The following DERL1 variants were observed in gnomAD, a reference collection of about 807,000 sequenced individuals.
DERL1 encodes the protein derlin 1, also known as derlin-1.
In DERL1, 24 loss-of-function variants were observed where a neutral mutation model predicts 41.6. That is an observed-to-expected ratio of 0.58 (90% CI 0.42 to 0.81). DERL1 has a LOEUF of 0.81. DERL1 is among the 30% of genes least tolerant of loss of function. DERL1 has a pLI of 0.00. For synonymous variants in DERL1, 124 were observed against 112.5 expected (o/e 1.10, Z -0.65); for missense variants, 260 against 314.3 (o/e 0.83, Z 1.31).
At chr8:123,024,335 C>T (rs1240464232) in intron 3 of DERL1, among the ~76,000 whole-genome samples, 4 of 152,190 alleles carry the variant, frequency 2.6e-5, no homozygotes, top group African/African-American at 9.7e-5. Flanking sequence ...AGGGCATCCA[C>T]AGTGCCACAT....
intron 1 of DERL1, among the ~76,000 whole-genome samples, chr8:123,037,473 T>C (rs1586471087): frequency 1.3e-5 from 2 of 152,256 alleles, no homozygotes; most frequent in South Asian, 4.1e-4. Flanking sequence ...CCTAAAGAAA[T>C]TGAGGCTCAG....
chr8:123,039,865 C>A (rs1017974370), intron 1 of DERL1, among the ~76,000 whole-genome samples: 4 of 152,178 alleles, frequency 2.6e-5, no homozygotes, highest in Non-Finnish European at 5.9e-5. Flanking sequence ...TCTCATGGAG[C>A]CTTATTCTCT....
chr8:123,035,584 G>T (rs763391579), intron 1 of DERL1, among the ~76,000 whole-genome samples: 1 of 152,170 alleles, frequency 6.6e-6, no homozygotes, highest in Non-Finnish European at 1.5e-5. Context: ...ACTCGTGGGG[G>T]AGTATCTCAT....
chr8:123,040,369 T>G (rs1039890462), intron 1 of DERL1, among the ~76,000 whole-genome samples: 1 of 152,212 alleles, frequency 6.6e-6, no homozygotes, highest in Non-Finnish European at 1.5e-5. Flanking sequence ...GGTAAACAAC[T>G]GAGCCACGGT....
At chr8:123,023,861 T>A in intron 3 of DERL1, 122 bp from the exon 4 acceptor site, 1 of 1,096,718 alleles carries the variant, frequency 9.1e-7, no homozygotes, top group Non-Finnish European at 1.3e-6. Context: ...CTCATGCTTG[T>A]AATCTCTGTA....
At chr8:123,027,172 T>C (rs1586464189) in intron 2 of DERL1, among the ~76,000 whole-genome samples, 1 of 151,896 alleles carries the variant, frequency 6.6e-6, no homozygotes, top group African/African-American at 2.4e-5. Flanking sequence ...TGCGTGCCTG[T>C]AGTCCCAGCT....
At chr8:123,033,466 G>A (rs1370311038) in intron 1 of DERL1, among the ~76,000 whole-genome samples, 3 of 152,102 alleles carry the variant, frequency 2.0e-5, no homozygotes, top group Admixed American at 6.6e-5. Flanking sequence ...AGCTTCGGCC[G>A]GGAGTAGTGG....
chr8:123,015,333 A>G lies in DERL1; in HGVS notation c.*114T>C. The G allele has an allele frequency of 3.8e-6, 5 of 1,309,338 alleles. No homozygotes were observed. The highest frequency in any genetic ancestry group is 5.1e-6 in the Non-Finnish European group (5 of 977,506). The allele number at this position is 1,309,338 out of a possible 1,614,324, so 81.1% of individuals were successfully genotyped here. On this transcript the variant is annotated 3_prime_UTR_variant, in exon 8 of 8. Coordinates refer to ENST00000259512, the MANE Select transcript of DERL1 (RefSeq NM_024295.6). ...AAGAAACTTTGTCTCGTACTGAAAG[A>G]CTACATTCAGTGTGGGTCAGGTCCA...
chr8:123,019,772 G>GC (rs967355751), intron 6 of DERL1, among the ~76,000 whole-genome samples: 1 of 152,088 alleles, frequency 6.6e-6, no homozygotes, highest in Non-Finnish European at 1.5e-5. Context: ...CTTCTCCCTT[G>GC]CCTCTTGTAT....
chr8:123,035,022 C>T (rs948869570), intron 1 of DERL1, among the ~76,000 whole-genome samples: 2 of 152,072 alleles, frequency 1.3e-5, no homozygotes, highest in African/African-American at 4.8e-5. Context: ...TCGGAAACAC[C>T]CGCTAACCAG....
intron 5 of DERL1, 38 bp from the exon 6 acceptor site, chr8:123,021,537 C>A: frequency 6.3e-7 from 1 of 1,580,036 alleles, no homozygotes; most frequent in Non-Finnish European, 8.7e-7. Flanking sequence ...TGAGTAGCCA[C>A]ACCTGACGAG....
At chr8:123,027,660 G>T (rs1172540883) in intron 2 of DERL1, among the ~76,000 whole-genome samples, 2 of 152,148 alleles carry the variant, frequency 1.3e-5, no homozygotes. Context: ...CCACAAATTT[G>T]TCCTAAATTG....
At position 123,036,040 on chromosome 8, in the gene DERL1, G is replaced by C. The variant is rs1017320717; in HGVS notation, c.154-5324C>G. On this transcript the variant is annotated intron_variant, in intron 1 of 7. Transcript: ENST00000259512. ...GAGACACAACGGGTAGGCAAGAAAA[G>C]GCCCCTTCCATTCATTTAAACAAAT... is the stretch of plus-strand genomic sequence containing the variant. Among the ~76,000 whole-genome samples, 6 of 152,092 alleles carry C rather than the reference G, an allele frequency of 3.9e-5. No homozygotes were observed. The East Asian group carries it at 1.2e-3, about 29-fold the overall frequency.
intron 7 of DERL1, chr8:123,016,260 G>A (rs1814566707): frequency 6.6e-6 from 1 of 152,030 alleles, no homozygotes; most frequent in African/African-American, 2.4e-5. Context: ...TTAAACCCAA[G>A]CCTACACTCT....
At chr8:123,021,397 G>A in intron 6 of DERL1, 50 bp downstream of exon 6, 1 of 1,538,794 alleles carries the variant, frequency 6.5e-7, no homozygotes. Context: ...AAAACTAATG[G>A]AAATTTTCCA....
chr8:123,015,590 T>G lies in DERL1; in HGVS notation c.618-5A>C. On this transcript the variant is annotated splice_polypyrimidine_tract_variant and splice_region_variant and intron_variant, in intron 7 of 7. Transcript: ENST00000259512. ...CTACTGGGCAGCCAGCGGTACCTGG[T>G]GCAGAAAGACGGGGACACAAACGGA... is the stretch of plus-strand genomic sequence containing the variant. The G allele has an allele frequency of 6.2e-7, 1 of 1,606,644 alleles. No individual in the cohort carries two copies.
At chr8:123,015,833 G>A (rs1814555225) in intron 7 of DERL1, 4 of 391,548 alleles carry the variant, frequency 1.0e-5, no homozygotes, top group East Asian at 4.4e-5. Context: ...CACTCTGAAC[G>A]TTTTTTTCTC....
chr8:123,023,582 G>C (rs563385714), intron 4 of DERL1, 131 bp downstream of exon 4: 2 of 791,434 alleles, frequency 2.5e-6, no homozygotes, highest in East Asian at 3.1e-5. Flanking sequence ...TAAAACAGCT[G>C]TAATTCCATA....
intron 5 of DERL1, 96 bp from the exon 6 acceptor site, chr8:123,021,595 G>T (rs1009058075): frequency 9.2e-7 from 1 of 1,087,718 alleles, no homozygotes; most frequent in Admixed American, 1.9e-5. Flanking sequence ...CACTGACAAG[G>T]GCTTTATATA....
Sources: allele counts gnomAD v4.1 joint callset (sites outside exome capture counted in the v4.1 genomes callset), GRCh38; gene constraint gnomAD v4.1.1; transcripts MANE v1.5; gene names NCBI Gene and HGNC (gene_info 2026-07-23, HGNC 2026-07-21).